Variants in SIRT5 observed in about 807,000 individuals in gnomAD.
SIRT5 encodes NAD-dependent protein deacylase sirtuin-5, mitochondrial.
Under a neutral mutation model 40.0 loss-of-function variants are expected in SIRT5, and 26 were observed. The observed-to-expected ratio is 0.65, with a 90% CI of 0.48 to 0.90. The LOEUF is 0.90. SIRT5 is among the 40% of genes least tolerant of loss of function. The pLI, the probability that SIRT5 is intolerant of heterozygous loss-of-function variation, is 0.00. For synonymous variants in SIRT5, 146 were observed against 149.1 expected (o/e 0.98, Z 0.15); for missense variants, 401 against 402.4 (o/e 1.00, Z 0.03).
rs189129144 is a variant in SIRT5 at position 13,597,489 on chromosome 6, T to A, written c.617+473T>A. Reference sequence around the variant, plus strand: ...TATGCCAATTTTTCAAAACCAGGCATTAAAACAGCACTTCTATAACCTGTA... The same window carrying A: ...TATGCCAATTTTTCAAAACCAGGCAATAAAACAGCACTTCTATAACCTGTA... On this transcript the variant is annotated intron_variant, in intron 7 of 9. Coordinates refer to ENST00000606117, the MANE Select transcript of SIRT5 (RefSeq NM_012241.5). 1.2e-4 allele frequency among the ~76,000 whole-genome samples: 18 copies of A among 151,838 alleles called. No individual in the cohort carries two copies. In the East Asian group the frequency reaches 3.5e-3, roughly 29 times the overall value.
At chr6:13,605,564 C>G in intron 9 of SIRT5, 3 of 985,422 alleles carry the variant, frequency 3.0e-6, no homozygotes, top group Non-Finnish European at 3.6e-6. Context: ...TGCCCCAGTT[C>G]TAATCTAGTG....
At position 13,584,214 on chromosome 6, in the gene SIRT5, G is replaced by A. The variant is rs867262607; in HGVS notation, c.104G>A (p.Arg35Gln). The A allele has an allele frequency of 5.6e-6, 9 of 1,613,534 alleles. No individual in the cohort carries two copies. Among genetic ancestry groups the A allele is most frequent in the East Asian group, 2.2e-5 (1 of 44,880 alleles). ...AACCAGATTTGCCTGAAAATGGCTC[G>A]GCCAAGTTCAAGTAAGTCATTTTAC... ...TRNQICLKMA[R>Q]PSSSMADFRK... Residue 35 changes from arginine (R) to glutamine (Q), a missense_variant, in exon 3 of 10, where the codon CGG (arginine) becomes CAG (glutamine). Arg to Gln is a conservative substitution (Grantham distance 43, BLOSUM62 1). Coordinates refer to ENST00000606117, the MANE Select transcript of SIRT5 (RefSeq NM_012241.5).
At chr6:13,581,980 C>T (rs1759400374) in intron 2 of SIRT5, among the ~76,000 whole-genome samples, 1 of 152,178 alleles carries the variant, frequency 6.6e-6, no homozygotes, top group South Asian at 2.1e-4. Context: ...CCATTAACAG[C>T]ATCAAATCCA....
In SIRT5 at chr6:13,591,858, C is replaced by A; in HGVS notation, c.439C>A (p.Arg147Ser). Residue 147 changes from arginine to serine, a missense_variant, in exon 5 of 10, where the codon CGC becomes AGC. Coordinates refer to ENST00000606117, the MANE Select transcript of SIRT5 (RefSeq NM_012241.5). ...CACCCAGAACATCGATGAGCTGCAC[C>A]GCAAGGCTGGCACCAAGAACCTTCT... ...VITQNIDELH[R>S]KAGTKNLLEI... The A allele has an allele frequency of 2.5e-6, 4 of 1,614,046 alleles. No homozygotes were observed. Among genetic ancestry groups the A allele is most frequent in the Non-Finnish European group, 3.4e-6 (4 of 1,179,904 alleles).
Position 13,615,146 on chromosome 6 carries a change from T to G in SIRT5, c.*3281T>G. The G allele has an allele frequency of 1.9e-6, 1 of 521,230 alleles. No individual in the cohort carries two copies. 32.3% of individuals were successfully genotyped at this position (521,230 alleles called of 1,614,324 possible). On this transcript the variant is annotated 3_prime_UTR_variant, in exon 10 of 10. Transcript: ENST00000606117. ...AGCCGCTTTCGCCGGCAGAGCATTT[T>G]CCGTGGGGTCCATCCGGCTCCAAGG...
chr6:13,611,815 A>T lies in SIRT5; in HGVS notation c.883A>T (p.Thr295Ser), dbSNP rs1022234922. The T allele has an allele frequency of 1.9e-6, 3 of 1,613,898 alleles. No individual in the cohort carries two copies. The highest frequency in any genetic ancestry group is 2.5e-6 in the Non-Finnish European group (3 of 1,179,886). Residue 295 changes from threonine (T) to serine (S), a missense_variant, in exon 10 of 10, where the codon ACG becomes TCG. Transcript: ENST00000606117. ...FRFHFQGPCG[T>S]TLPEALACHE... ...GTTTCATTTCCAGGGACCCTGTGGA[A>T]CGACTCTTCCTGAAGCCCTTGCCTG...
intron 2 of SIRT5, among the ~76,000 whole-genome samples, 181 bp from the exon 3 acceptor site, chr6:13,583,895 G>C (rs575619893): frequency 6.6e-6 from 1 of 152,304 alleles, no homozygotes; most frequent in African/African-American, 2.4e-5. Flanking sequence ...AGCCAGTTCA[G>C]AGGATGATCT....
At chr6:13,597,318 G>A (rs944333781) in intron 7 of SIRT5, among the ~76,000 whole-genome samples, 2 of 151,614 alleles carry the variant, frequency 1.3e-5, no homozygotes, top group African/African-American at 4.8e-5. Flanking sequence ...GAAAGCATAG[G>A]GGCTGACCTG....
chr6:13,587,343 C>T (rs1185817753), intron 3 of SIRT5, among the ~76,000 whole-genome samples: 1 of 152,208 alleles, frequency 6.6e-6, no homozygotes, highest in African/African-American at 2.4e-5. Context: ...GCCTGCAGAG[C>T]TGCGGTGCCT....
At chr6:13,610,964 C>T (rs1308998652) in intron 9 of SIRT5, among the ~76,000 whole-genome samples, 2 of 151,880 alleles carry the variant, frequency 1.3e-5, no homozygotes, top group African/African-American at 4.8e-5. Context: ...ATGAGGAAGT[C>T]CTGCTTTTGC....
Position 13,604,755 on chromosome 6 carries a change from C to T in SIRT5, c.857+3806C>T, listed in dbSNP as rs1037732216. ...GATTCTTGGCATGTAATATATATCACTGCTCAAGTCAAGCCTCCTAAAACC... is the reference window on the plus strand; with the variant it reads ...GATTCTTGGCATGTAATATATATCATTGCTCAAGTCAAGCCTCCTAAAACC... On this transcript the variant is annotated intron_variant, in intron 9 of 9. Coordinates refer to ENST00000606117, the MANE Select transcript of SIRT5 (RefSeq NM_012241.5). 4 of 1,246,684 alleles carry T rather than the reference C, an allele frequency of 3.2e-6. No homozygotes were observed. The African/African-American group carries it at 6.3e-5, about 20-fold the overall frequency. 77.2% of individuals were successfully genotyped at this position (1,246,684 alleles called of 1,614,324 possible).
At chr6:13,602,097 T>C (rs1762468984) in intron 9 of SIRT5, among the ~76,000 whole-genome samples, 1 of 152,144 alleles carries the variant, frequency 6.6e-6, no homozygotes, top group Admixed American at 6.5e-5. Context: ...AAGGAAGGCC[T>C]AAATGAATGG....
At chr6:13,578,858 G>A (rs967475512) in intron 1 of SIRT5, among the ~76,000 whole-genome samples, 1 of 151,888 alleles carries the variant, frequency 6.6e-6, no homozygotes, top group African/African-American at 2.4e-5. Context: ...TCATGAAAAG[G>A]CATCGTTAAA....
chr6:13,604,556 TAGAGAA>T, intron 9 of SIRT5: 1 of 1,578,056 alleles, frequency 6.3e-7, no homozygotes, highest in Non-Finnish European at 8.6e-7. Context: ...AAAATGCAGA[TAGAGAA>T]AAAGAAGAAA....
At chr6:13,602,699 C>T (rs1435476412) in intron 9 of SIRT5, among the ~76,000 whole-genome samples, 8 of 152,164 alleles carry the variant, frequency 5.3e-5, no homozygotes, top group Admixed American at 6.6e-5. Flanking sequence ...GAAATACAGT[C>T]TTTTTCAAGA....
chr6:13,597,841 C>T (rs181512869), intron 7 of SIRT5, among the ~76,000 whole-genome samples: 97 of 152,106 alleles, frequency 6.4e-4, no homozygotes, highest in African/African-American at 2.0e-3. Flanking sequence ...CCACTGCACC[C>T]GGCTGGATTA....
At chr6:13,596,101 A>G (rs1055635762) in intron 6 of SIRT5, among the ~76,000 whole-genome samples, 12 of 152,366 alleles carry the variant, frequency 7.9e-5, no homozygotes, top group East Asian at 3.9e-4. Flanking sequence ...AAATTTGTAC[A>G]CACAATGAGT....
Position 13,588,474 on chromosome 6 carries a change from G to C in SIRT5, c.249+10G>C, listed in dbSNP as rs1760376528. The C allele has an allele frequency of 1.2e-6, 2 of 1,611,710 alleles. No homozygotes were observed. The highest frequency in any genetic ancestry group is 1.3e-5 in the African/African-American group (1 of 74,676). ...AAAATGGCAAGCCCAGGTTTGTAAA[G>C]TTTCCAGAACATTAAAAGCCTCTGT... On this transcript the variant is annotated intron_variant, in intron 4 of 9. Coordinates refer to ENST00000606117, the MANE Select transcript of SIRT5 (RefSeq NM_012241.5).
Position 13,611,960 on chromosome 6 carries a change from A to T in SIRT5, c.*95A>T. 1.7e-6 allele frequency: 2 copies of T among 1,143,668 alleles called. No homozygotes were observed. Among genetic ancestry groups the T allele is most frequent in the Non-Finnish European group, 2.5e-6 (2 of 788,720 alleles). The allele number at this position is 1,143,668 out of a possible 1,614,324, so 70.8% of individuals were successfully genotyped here. ...ATGGGTGGTGAGCTGAGTACTGAAC[A>T]ATCTAAAAATAGCCTCTGATTCCCT... On this transcript the variant is annotated 3_prime_UTR_variant, in exon 10 of 10. Coordinates refer to ENST00000606117, the MANE Select transcript of SIRT5 (RefSeq NM_012241.5).
Sources: gnomAD v4.1 joint callset for allele counts (sites outside exome capture counted in the v4.1 genomes callset) on GRCh38, gnomAD v4.1.1 for gene constraint, MANE v1.5 for transcripts, NCBI Gene and HGNC (gene_info 2026-07-23, HGNC 2026-07-21) for gene names.